Variants in CPLANE1 observed in about 807,000 individuals in gnomAD.
CPLANE1 encodes the protein ciliogenesis and planar polarity effector complex subunit 1.
A neutral mutation model predicts 362.5 loss-of-function variants in CPLANE1; 263 were observed. The observed-to-expected ratio is 0.73, with a 90% CI of 0.66 to 0.80. CPLANE1 has a LOEUF of 0.80. Ranked by LOEUF, CPLANE1 falls within the 30% of genes least tolerant of loss-of-function variation. The probability of loss-of-function intolerance (pLI) is 0.00; values close to 1 mark genes in which losing one functional copy is unlikely to be tolerated. For synonymous variants in CPLANE1, 1,212 were observed against 1,302.6 expected, an observed-to-expected ratio of 0.93 and a Z score of 1.50; for missense variants, 3,461 against 3,793.4, an observed-to-expected ratio of 0.91 and a Z score of 2.30.
chr5:37,132,342 T>TTG (rs1397101409), intron 46 of CPLANE1, among the ~76,000 whole-genome samples: 1 of 134,946 alleles, frequency 7.4e-6, no homozygotes, highest in East Asian at 2.1e-4. Context: ...TTCAAGTTTT[T>TTG]TTTTTTTTTT....
In CPLANE1 at chr5:37,142,405, G is replaced by T; in HGVS notation, c.8537C>A (p.Thr2846Lys). 1 of 1,611,072 alleles carries T rather than the reference G, an allele frequency of 6.2e-7. No homozygotes were observed. The highest frequency in any genetic ancestry group is 8.5e-7 in the Non-Finnish European group (1 of 1,178,796). The change falls in exon 44 of 53, where the codon ACA becomes AAA. Residue 2846 changes from threonine to lysine, a missense_variant. This residue lies in a region of CPLANE1 where 3,380 missense variants were observed against 3,666.1 expected (regional missense o/e 0.92). Transcript: ENST00000651892. The stretch of plus-strand genomic sequence containing the variant: ...GGTTTTCTGACCAGAATAATTTTCT[G>T]TTATTGAAAATTCAGGTTCTGAAGT... ...KETSEPEFSI[T>K]ENYSGQKTCV...
chr5:37,082,778 A>AAG, the CPLANE1 span, among the ~76,000 whole-genome samples: 1 of 151,980 alleles, frequency 6.6e-6, no homozygotes, highest in Non-Finnish European at 1.5e-5. Context: ...AAAAAAAAAA[A>AAG]AAAGAAAAAA....
At position 37,221,361 on chromosome 5, in the gene CPLANE1, C is replaced by A. The variant is rs863225164; in HGVS notation, c.2709G>T (p.Trp903Cys). 6.6e-7 allele frequency: 1 copy of A among 1,512,100 alleles called. No individual in the cohort carries two copies. Among genetic ancestry groups the A allele is most frequent in the East Asian group, 2.6e-5 (1 of 38,814 alleles). The allele number at this position is 1,512,100 out of a possible 1,614,324, so 93.7% of individuals were successfully genotyped here. A position where few individuals can be genotyped will look rare whatever the true frequency, so the allele number is the denominator to read the frequency against. ...CDQLAREILR[W>C]SQLPVKENKD... ...TATTTTCTTTTACAGGTAGTTGGGACCATCTCAGGATTTCTCTTGCTAGCT... is the reference window on the plus strand; with the variant it reads ...TATTTTCTTTTACAGGTAGTTGGGAACATCTCAGGATTTCTCTTGCTAGCT... Residue 903 changes from tryptophan (W) to cysteine (C), a missense_variant, in exon 15 of 53, where the codon TGG becomes TGT. Trp to Cys is a radical substitution (Grantham distance 215). Around this residue, in one of 2 missense-constraint regions of CPLANE1, gnomAD observed 3,380 missense variants for 3,666.1 expected, o/e 0.92. Coordinates refer to ENST00000651892, the MANE Select transcript of CPLANE1 (RefSeq NM_001384732.1).
rs1779331778 is a variant in CPLANE1, at chr5:37,170,025, T to A, written c.6462+16A>T. The A allele has an allele frequency of 1.9e-6, 3 of 1,607,724 alleles. No homozygotes were observed. In the East Asian group the frequency reaches 6.7e-5, roughly 36 times the overall value. On this transcript the variant is annotated intron_variant, in intron 33 of 52. Transcript: ENST00000651892. ...CCACCGCGCCCAGCCATTAATGGTATTTTTACATACATTACCTGTACGTTT... is the reference window on the plus strand; with the variant it reads ...CCACCGCGCCCAGCCATTAATGGTAATTTTACATACATTACCTGTACGTTT...
chr5:37,197,044 G>A (rs895037138), intron 20 of CPLANE1, among the ~76,000 whole-genome samples: 1 of 151,838 alleles, frequency 6.6e-6, no homozygotes, highest in Non-Finnish European at 1.5e-5. Flanking sequence ...AGAGAAACAA[G>A]CTAAACGACA....
At chr5:37,130,835 C>A (rs987848621) in intron 46 of CPLANE1, 1 of 152,742 alleles carries the variant, frequency 6.5e-6, no homozygotes, top group Non-Finnish European at 1.5e-5. Context: ...ATTTTAAAAA[C>A]GAACTGCATA....
At chr5:37,219,859 T>C (rs923361399) in intron 15 of CPLANE1, among the ~76,000 whole-genome samples, 2 of 152,220 alleles carry the variant, frequency 1.3e-5, no homozygotes, top group African/African-American at 4.8e-5. Flanking sequence ...ACTAAACTTG[T>C]AAGTGATTTT....
chr5:37,242,782 T>C (rs1800844496), intron 6 of CPLANE1, among the ~76,000 whole-genome samples: 1 of 150,944 alleles, frequency 6.6e-6, no homozygotes, highest in Non-Finnish European at 1.5e-5. Flanking sequence ...TTCCCAGCAC[T>C]TTGGGAGGCC....
At position 37,170,331 on chromosome 5, in the gene CPLANE1, G is replaced by A; in HGVS notation, c.6172C>T (p.Leu2058=). ...AGGCTCATGAAGTTGATCTGTTGCA[G>A]CTTGAATAAAACAAAAATTGAAGCG... ...LQDEMFKLVQ[L]QQINFMSLMQ... Residue 2058 remains leucine (L), a splice_region_variant and synonymous_variant, in exon 33 of 53, where the codon CTG becomes TTG. Transcript: ENST00000651892. The A allele has an allele frequency of 6.2e-7, 1 of 1,600,398 alleles. No individual in the cohort carries two copies.
chr5:37,132,022 A>C (rs1270799751), intron 46 of CPLANE1, among the ~76,000 whole-genome samples: 1 of 152,204 alleles, frequency 6.6e-6, no homozygotes, highest in Non-Finnish European at 1.5e-5. Flanking sequence ...TCATTAACTT[A>C]ACAAAACAAC....
chr5:37,139,839 C>T lies in CPLANE1; in HGVS notation c.8633-469G>A, dbSNP rs1420829310. ...TGCTTGGATTACAGGCATGGGCCATCGCACCCAGCCAGTATAAGATTATTA... is the reference window on the plus strand; with the variant it reads ...TGCTTGGATTACAGGCATGGGCCATTGCACCCAGCCAGTATAAGATTATTA... On this transcript the variant is annotated intron_variant, in intron 44 of 52. Transcript: ENST00000651892. The T allele has an allele frequency of 1.6e-5, 16 of 985,486 alleles. No homozygotes were observed. In the South Asian group the frequency reaches 4.7e-4, roughly 29 times the overall value. The allele number at this position is 985,486 out of a possible 1,614,324, so 61.0% of individuals were successfully genotyped here.
Position 37,153,774 on chromosome 5 carries a change from G to A in CPLANE1, c.8339C>T (p.Pro2780Leu). The A allele has an allele frequency of 1.2e-6, 2 of 1,613,006 alleles. No individual in the cohort carries two copies. The highest frequency in any genetic ancestry group is 8.5e-7 in the Non-Finnish European group (1 of 1,179,406). Residue 2780 changes from proline (P) to leucine (L), a missense_variant, in exon 42 of 53, where the codon CCC (proline) becomes CTC (leucine). Physicochemically the swap from Pro to Leu is moderately conservative, Grantham distance 98. Transcript: ENST00000651892. ...NIAENIEQDF[P>L]KPEMLDLHCD... ...ATGTAGATCTAGCATTTCAGGCTTG[G>A]GGAAATCCTGTTCTATGTTTTCAGC...
intron 14 of CPLANE1, among the ~76,000 whole-genome samples, chr5:37,222,167 A>C (rs538528451): frequency 5.3e-5 from 8 of 152,294 alleles, no homozygotes; most frequent in African/African-American, 1.7e-4. Context: ...ATTTGGGGAT[A>C]TAATGCACCC....
intron 42 of CPLANE1, among the ~76,000 whole-genome samples, chr5:37,149,384 T>A (rs1490717811): frequency 6.6e-6 from 1 of 152,184 alleles, no homozygotes; most frequent in East Asian, 1.9e-4. Context: ...TCTAATACAA[T>A]GTAAATGTTA....
Position 37,209,279 on chromosome 5 carries a change from G to A in CPLANE1, c.2921-2854C>T. 1.4e-6 allele frequency: 1 copy of A among 728,046 alleles called. No homozygotes were observed. Among genetic ancestry groups the A allele is most frequent in the Non-Finnish European group, 2.5e-6 (1 of 395,260 alleles). The allele number at this position is 728,046 out of a possible 1,614,324, so 45.1% of individuals were successfully genotyped here. On this transcript the variant is annotated intron_variant, in intron 16 of 52. Coordinates refer to ENST00000651892, the MANE Select transcript of CPLANE1 (RefSeq NM_001384732.1). The surrounding 1 kb of genome is among the most constrained non-coding windows in gnomAD (Gnocchi z 4.6). ...CTCTGGAGGGCAGGGATTCCCCCTCGTCTTGGCCCTACAGCCCCAGCTGGG... is the reference window on the plus strand; with the variant it reads ...CTCTGGAGGGCAGGGATTCCCCCTCATCTTGGCCCTACAGCCCCAGCTGGG...
chr5:37,208,685 C>T (rs771880001), intron 16 of CPLANE1, among the ~76,000 whole-genome samples: 3 of 122,350 alleles, frequency 2.5e-5, no homozygotes, highest in South Asian at 3.1e-4. Context: ...TCCCCCCCCC[C>T]CCAAAAAAAA....
chr5:37,122,812 C>T (rs1763040310), intron 47 of CPLANE1, among the ~76,000 whole-genome samples: 1 of 152,148 alleles, frequency 6.6e-6, no homozygotes, highest in Admixed American at 6.5e-5. Flanking sequence ...ACCTGGGAGG[C>T]GGAGGCTGCA....
At chr5:37,185,950 T>C (rs937671544) in intron 24 of CPLANE1, among the ~76,000 whole-genome samples, 1 of 152,208 alleles carries the variant, frequency 6.6e-6, no homozygotes, top group African/African-American at 2.4e-5. Context: ...TTTTATATTA[T>C]CTTACTTAAT....
chr5:37,114,143 T>A (rs1404924050), intron 51 of CPLANE1, among the ~76,000 whole-genome samples: 1 of 152,132 alleles, frequency 6.6e-6, no homozygotes, highest in Non-Finnish European at 1.5e-5. Flanking sequence ...TCATTATCCC[T>A]ACCAAATTTA....
Sources: allele counts gnomAD v4.1 joint callset (sites outside exome capture counted in the v4.1 genomes callset), GRCh38; gene constraint gnomAD v4.1.1; regional missense constraint gnomAD v4.1.1; non-coding constraint Gnocchi (gnomAD v3.1); transcripts MANE v1.5; gene names NCBI Gene and HGNC (gene_info 2026-07-23, HGNC 2026-07-21).